UQCC2: variants seen among roughly 807,000 people sequenced by gnomAD.
UQCC2 encodes ubiquinol-cytochrome c reductase complex assembly factor 2, also known as breast cancer-associated protein SGA-81M.
In UQCC2, 21 loss-of-function variants were observed where a neutral mutation model predicts 19.9. The ratio of observed to expected loss-of-function variants is 1.05; its 90% CI spans 0.75 to 1.52. The LOEUF is 1.52. Ranked by LOEUF, UQCC2 falls within the 40% of genes most tolerant of loss-of-function variation. The pLI is 0.00. For synonymous variants in UQCC2, 57 were observed against 60.9 expected, an observed-to-expected ratio of 0.94 and a Z score of 0.30; for missense variants, 135 against 157.5, an observed-to-expected ratio of 0.86 and a Z score of 0.76.
intron 1 of UQCC2, among the ~76,000 whole-genome samples, chr6:33,707,606 C>T (rs1031387966): frequency 5.9e-5 from 9 of 152,220 alleles, no homozygotes; most frequent in African/African-American, 2.2e-4. Context: ...CCCTGGTGGG[C>T]GAAGAGCAGC....
chr6:33,697,831 G>A (rs533744995), intron 3 of UQCC2, 81 bp from the exon 4 acceptor site: 8 of 1,144,060 alleles, frequency 7.0e-6, no homozygotes, highest in African/African-American at 3.1e-5. Context: ...GGGCTTTCCC[G>A]ACACAAGCAT....
At chr6:33,701,896 CAGA>C (rs1561889679) in intron 1 of UQCC2, among the ~76,000 whole-genome samples, 1 of 151,574 alleles carries the variant, frequency 6.6e-6, no homozygotes, top group Non-Finnish European at 1.5e-5. Context: ...GGTCAGCAAG[CAGA>C]AGGTCAGCAA....
In UQCC2 at chr6:33,705,947, A is replaced by G. The variant is rs553378681; in HGVS notation, c.139-4527T>C. Among the ~76,000 whole-genome samples, 45 of 152,362 alleles carry G rather than the reference A, an allele frequency of 3.0e-4. 1 individual carries two copies. Among genetic ancestry groups the G allele is most frequent in the African/African-American group, 1.0e-3 (43 of 41,592 alleles). On this transcript the variant is annotated intron_variant, in intron 1 of 3. Coordinates refer to ENST00000607484, the MANE Select transcript of UQCC2 (RefSeq NM_032340.4). ...AGCACTGCTCCCCAAATGTGAATAA[A>G]ATAGATGTTCATCTGACGAGTGTCC...
At chr6:33,704,113 G>T (rs562436777) in intron 1 of UQCC2, among the ~76,000 whole-genome samples, 4 of 152,340 alleles carry the variant, frequency 2.6e-5, no homozygotes, top group Non-Finnish European at 5.9e-5. Flanking sequence ...TCCGGGCCTG[G>T]AACGCCGATA....
intron 1 of UQCC2, among the ~76,000 whole-genome samples, chr6:33,702,336 C>CAAAAAAA (rs10947431): frequency 7.7e-6 from 1 of 130,220 alleles, no homozygotes. Context: ...TTAGCAAAGG[C>CAAAAAAA]AAAAAAAAAA....
intron 1 of UQCC2, among the ~76,000 whole-genome samples, chr6:33,703,558 G>T (rs1765664687): frequency 6.6e-6 from 1 of 151,896 alleles, no homozygotes; most frequent in Non-Finnish European, 1.5e-5. Context: ...AACTGCCTGG[G>T]TTGACTCCTG....
At chr6:33,697,917 G>A (rs539883982) in intron 3 of UQCC2, 167 bp from the exon 4 acceptor site, 1 of 609,798 alleles carries the variant, frequency 1.6e-6, no homozygotes, top group African/African-American at 1.8e-5. Flanking sequence ...ACAGGTAACA[G>A]AAGTGACCGC....
chr6:33,708,328 G>A (rs548614487), intron 1 of UQCC2, among the ~76,000 whole-genome samples: 1 of 152,338 alleles, frequency 6.6e-6, no homozygotes, highest in East Asian at 1.9e-4. Flanking sequence ...ATGCACACTA[G>A]GGCCAGAGGG....
At chr6:33,708,082 T>C (rs1765720834) in intron 1 of UQCC2, among the ~76,000 whole-genome samples, 1 of 152,238 alleles carries the variant, frequency 6.6e-6, no homozygotes, top group Admixed American at 6.5e-5. Context: ...CCAGCTTTTC[T>C]CCGCCTGGTG....
At chr6:33,703,385 G>A (rs1765662677) in intron 1 of UQCC2, among the ~76,000 whole-genome samples, 1 of 152,102 alleles carries the variant, frequency 6.6e-6, no homozygotes, top group South Asian at 2.1e-4. Context: ...GGCTGGTCTC[G>A]AACTCCTGAC....
chr6:33,708,375 C>T (rs1765724333), intron 1 of UQCC2, among the ~76,000 whole-genome samples: 2 of 151,182 alleles, frequency 1.3e-5, no homozygotes, highest in South Asian at 4.3e-4. Context: ...TCTCTTATGG[C>T]TACGGAACCC....
At chr6:33,701,119 C>T (rs1278582422) in intron 2 of UQCC2, among the ~76,000 whole-genome samples, 6 of 152,186 alleles carry the variant, frequency 3.9e-5, no homozygotes, top group South Asian at 2.1e-4. Flanking sequence ...GGCTTCTATT[C>T]ATAATTGGTT....
chr6:33,710,083 C>T (rs1765748021), intron 1 of UQCC2, among the ~76,000 whole-genome samples: 2 of 152,090 alleles, frequency 1.3e-5, no homozygotes, highest in East Asian at 3.8e-4. Context: ...TCTTTGGTTC[C>T]TCTCTTTTCC....
chr6:33,703,389 T>C (rs1195873773), intron 1 of UQCC2, among the ~76,000 whole-genome samples: 1 of 152,174 alleles, frequency 6.6e-6, no homozygotes, highest in Non-Finnish European at 1.5e-5. Flanking sequence ...GGTCTCGAAC[T>C]CCTGACCTTG....
chr6:33,709,629 A>C (rs898855333), intron 1 of UQCC2, among the ~76,000 whole-genome samples: 2 of 152,160 alleles, frequency 1.3e-5, no homozygotes, highest in African/African-American at 2.4e-5. Flanking sequence ...GAATAATGTG[A>C]GGGCCCTGGG....
intron 3 of UQCC2, among the ~76,000 whole-genome samples, 160 bp downstream of exon 3, chr6:33,700,284 A>C (rs554450059): frequency 3.9e-5 from 6 of 152,156 alleles, no homozygotes; most frequent in Admixed American, 3.9e-4. Context: ...TCCACAGTAT[A>C]TGGTCAAAAT....
rs193124286 is a variant in UQCC2 at position 33,701,214 on chromosome 6, T to G, written c.213+132A>C. On this transcript the variant is annotated intron_variant, in intron 2 of 3. Transcript: ENST00000607484. ...CTACCAGGCACCTCTGTTGGCTTGG[T>G]TGAAATTACTGGTTTCATTTGAACG... The G allele has an allele frequency of 4.2e-6, 4 of 959,340 alleles. No individual in the cohort carries two copies. In the East Asian group the frequency reaches 1.1e-4, roughly 26 times the overall value. The allele number at this position is 959,340 out of a possible 1,614,324, so 59.4% of individuals were successfully genotyped here.
At chr6:33,707,639 G>GA (rs1367672052) in intron 1 of UQCC2, among the ~76,000 whole-genome samples, 1 of 152,184 alleles carries the variant, frequency 6.6e-6, no homozygotes, top group African/African-American at 2.4e-5. Flanking sequence ...ACGCCCCTCG[G>GA]AGTTGCACCT....
At chr6:33,706,509 C>A (rs537110591) in intron 1 of UQCC2, among the ~76,000 whole-genome samples, 5 of 152,172 alleles carry the variant, frequency 3.3e-5, no homozygotes, top group Non-Finnish European at 4.4e-5. Flanking sequence ...GCCAGATCTG[C>A]GGAGCACGGG....
Sources: allele counts gnomAD v4.1 joint callset (sites outside exome capture counted in the v4.1 genomes callset), GRCh38; gene constraint gnomAD v4.1.1; transcripts MANE v1.5; gene names NCBI Gene and HGNC (gene_info 2026-07-23, HGNC 2026-07-21).